Variants in NUP35 observed in about 807,000 individuals in gnomAD.
The protein encoded by NUP35 is nucleoporin NUP35.
Under a neutral mutation model 41.5 loss-of-function variants are expected in NUP35, and 25 were observed. That is an observed-to-expected ratio of 0.60 (90% confidence interval 0.44 to 0.84). The LOEUF (loss-of-function observed/expected upper bound fraction) is 0.84. Among genes scored for constraint, NUP35 ranks in the 40% least tolerant of loss-of-function variants. The pLI is 0.00. For missense variants in NUP35, 396 were observed against 396.6 expected, an observed-to-expected ratio of 1.00 and a Z score of 0.01; for synonymous variants, 149 against 130.7, an observed-to-expected ratio of 1.14 and a Z score of -0.96.
Position 183,161,105 on chromosome 2 carries a change from G to A in NUP35, c.955G>A (p.Ala319Thr). 1 of 1,613,018 alleles carries A rather than the reference G, an allele frequency of 6.2e-7. No individual in the cohort carries two copies. The highest frequency in any genetic ancestry group is 8.5e-7 in the Non-Finnish European group (1 of 1,179,338). Reference sequence around the variant, plus strand: ...AAAAGATGAAAGTCTTGTATCCAAAGCAATGGAGTACATGTTTGGCTGGTA... The same window carrying A: ...AAAAGATGAAAGTCTTGTATCCAAAACAATGGAGTACATGTTTGGCTGGTA... ...PKKDESLVSK[A>T]MEYMFGW Residue 319 changes from alanine (A) to threonine (T), a missense_variant, in exon 9 of 9, where the codon GCA becomes ACA. Coordinates refer to ENST00000295119, the MANE Select transcript of NUP35 (RefSeq NM_138285.5).
At chr2:183,135,193 A>G (rs577884283) in intron 4 of NUP35, among the ~76,000 whole-genome samples, 1 of 152,334 alleles carries the variant, frequency 6.6e-6, no homozygotes, top group Non-Finnish European at 1.5e-5. Flanking sequence ...GTAATGTAAC[A>G]TTCACAGGTT....
intron 4 of NUP35, 44 bp from the exon 5 acceptor site, chr2:183,151,464 A>G (rs1470291666): frequency 3.2e-6 from 5 of 1,572,052 alleles, no homozygotes; most frequent in Non-Finnish European, 4.3e-6. Context: ...GAATCAATCG[A>G]GGTGTTTACA....
chr2:183,148,901 A>T (rs192804983), intron 4 of NUP35, among the ~76,000 whole-genome samples: 1 of 152,276 alleles, frequency 6.6e-6, no homozygotes, highest in East Asian at 1.9e-4. Flanking sequence ...TTGGCCTCCC[A>T]AAGCGCTGGG....
chr2:183,136,361 G>A (rs1230892078), intron 4 of NUP35, among the ~76,000 whole-genome samples: 2 of 152,174 alleles, frequency 1.3e-5, no homozygotes, highest in African/African-American at 4.8e-5. Flanking sequence ...TGTCAACAGG[G>A]CTGTGTTTCT....
chr2:183,160,965 T>A, intron 8 of NUP35, 89 bp from the exon 9 acceptor site: 1 of 928,048 alleles, frequency 1.1e-6, no homozygotes, highest in Non-Finnish European at 1.7e-6. Flanking sequence ...CATTTTGGTG[T>A]TTCTCTTTTA....
chr2:183,152,540 T>G (rs191624747), intron 5 of NUP35, among the ~76,000 whole-genome samples: 1 of 152,332 alleles, frequency 6.6e-6, no homozygotes. Context: ...TGATGTTTGG[T>G]TTTCCATTCC....
At chr2:183,125,528 T>A (rs935767396) in intron 1 of NUP35, among the ~76,000 whole-genome samples, 1 of 152,212 alleles carries the variant, frequency 6.6e-6, no homozygotes, top group Non-Finnish European at 1.5e-5. Flanking sequence ...CTTTAGTCTG[T>A]CATAAAAAAA....
At chr2:183,158,146 A>G (rs1685738161) in intron 6 of NUP35, 137 bp from the exon 7 acceptor site, 4 of 582,324 alleles carry the variant, frequency 6.9e-6, no homozygotes, top group South Asian at 3.9e-5. Flanking sequence ...TTTTTGTTGA[A>G]CTTTACAGCT....
chr2:183,151,021 A>G (rs1380684110), intron 4 of NUP35, among the ~76,000 whole-genome samples: 2 of 152,248 alleles, frequency 1.3e-5, no homozygotes, highest in African/African-American at 4.8e-5. Flanking sequence ...TGAATAAAAG[A>G]AAATTGCATT....
chr2:183,122,984 G>A (rs1700091605), upstream of NUP35, among the ~76,000 whole-genome samples: 2 of 152,166 alleles, frequency 1.3e-5, no homozygotes, highest in African/African-American at 4.8e-5. Context: ...GATTACCTGG[G>A]TGGGTCCTAA....
chr2:183,123,159 A>C (rs2105528012), upstream of NUP35, among the ~76,000 whole-genome samples: 1 of 152,284 alleles, frequency 6.6e-6, no homozygotes, highest in Admixed American at 6.5e-5. Flanking sequence ...TCTCCCCTGG[A>C]GCCTCCAGAA....
At chr2:183,155,913 C>G (rs16823723) in intron 5 of NUP35, among the ~76,000 whole-genome samples, 6,918 of 152,196 alleles carry the variant, frequency 0.045, 246 homozygotes, top group South Asian at 0.15. Flanking sequence ...TTTAATAACC[C>G]TCTATGACTT....
chr2:183,152,862 AT>A (rs139732451), intron 5 of NUP35, among the ~76,000 whole-genome samples: 8,215 of 152,284 alleles, frequency 0.054, 285 homozygotes, highest in Middle Eastern at 0.082. Context: ...CTACAAAAAT[AT>A]AAAGTTTGTT....
Position 183,158,402 on chromosome 2 carries a change from T to A in NUP35, c.729T>A (p.Cys243Ter). The part of the protein sequence containing the change: ...GESIMIGVKP[C>*]IDKSVMESSD... The stretch of plus-strand genomic sequence containing the variant: ...CCATCATGATTGGTGTAAAACCATG[T>A]ATTGACAAAGTAAGTTATTGGTGAT... The change falls in exon 7 of 9, where the codon TGT becomes TGA. Residue 243 changes from cysteine to a stop codon, truncating the protein, a stop_gained. Coordinates refer to ENST00000295119, the MANE Select transcript of NUP35 (RefSeq NM_138285.5). LOFTEE classifies it high-confidence loss of function. The A allele has an allele frequency of 6.3e-7, 1 of 1,599,676 alleles. No individual in the cohort carries two copies. The highest frequency in any genetic ancestry group is 8.5e-7 in the Non-Finnish European group (1 of 1,171,910).
At chr2:183,124,963 C>T (rs189263323) in intron 1 of NUP35, among the ~76,000 whole-genome samples, 1 of 149,630 alleles carries the variant, frequency 6.7e-6, no homozygotes, top group South Asian at 2.1e-4. Context: ...GCTTCCAGTT[C>T]CTGTTTTGAC....
chr2:183,157,345 C>A, intron 5 of NUP35, 99 bp from the exon 6 acceptor site: 1 of 886,908 alleles, frequency 1.1e-6, no homozygotes, highest in Non-Finnish European at 1.9e-6. Flanking sequence ...ACGTTCTAGA[C>A]AGTTGGGGGC....
At chr2:183,154,993 G>A (rs4666617) in intron 5 of NUP35, among the ~76,000 whole-genome samples, 1 of 151,976 alleles carries the variant, frequency 6.6e-6, no homozygotes, top group African/African-American at 2.4e-5. Context: ...CCTGATAAAC[G>A]CGTCAGATCT....
At chr2:183,133,897 G>T (rs1285594290) in intron 4 of NUP35, among the ~76,000 whole-genome samples, 3 of 152,060 alleles carry the variant, frequency 2.0e-5, no homozygotes, top group African/African-American at 4.8e-5. Context: ...CACCCTAAAG[G>T]TATGGTGGGG....
At chr2:183,151,737 A>G in intron 5 of NUP35, 88 bp downstream of exon 5, 1 of 1,285,630 alleles carries the variant, frequency 7.8e-7, no homozygotes. Flanking sequence ...AATGGAAAGA[A>G]GTGCATAGCA....
Sources: gnomAD v4.1 joint callset for allele counts (sites outside exome capture counted in the v4.1 genomes callset) on GRCh38, gnomAD v4.1.1 for gene constraint, MANE v1.5 for transcripts, NCBI Gene and HGNC (gene_info 2026-07-23, HGNC 2026-07-21) for gene names.